The following KPNA4 variants were observed in gnomAD, a reference collection of about 807,000 sequenced individuals.
KPNA4 encodes the protein karyopherin subunit alpha 4, also known as importin subunit alpha-3.
In KPNA4, 13 loss-of-function variants were observed where a neutral mutation model predicts 71.3. That is an observed-to-expected ratio of 0.18 (90% confidence interval 0.12 to 0.29). The LOEUF (loss-of-function observed/expected upper bound fraction) is 0.29. Among genes scored for constraint, KPNA4 ranks in the 10% least tolerant of loss-of-function variants. The pLI is 1.00. For synonymous variants in KPNA4, 189 were observed against 195.2 expected, an observed-to-expected ratio of 0.97 and a Z score of 0.26; for missense variants, 334 against 603.2, an observed-to-expected ratio of 0.55 and a Z score of 4.67.
intron 1 of KPNA4, among the ~76,000 whole-genome samples, chr3:160,549,058 T>TA: frequency 6.6e-6 from 1 of 152,366 alleles, no homozygotes. Context: ...TCTTTTCATG[T>TA]GCTTACTGGC....
chr3:160,530,741 C>T (rs926301748), intron 7 of KPNA4, 114 bp downstream of exon 7: 49 of 687,186 alleles, frequency 7.1e-5, no homozygotes, highest in Non-Finnish European at 1.2e-4. Context: ...TCAATAACTA[C>T]GTAGTAGCTA....
At chr3:160,550,039 G>A (rs985791147) in intron 1 of KPNA4, among the ~76,000 whole-genome samples, 6 of 152,136 alleles carry the variant, frequency 3.9e-5, no homozygotes, top group African/African-American at 1.4e-4. Flanking sequence ...CACTGTTAGT[G>A]TATAGAAACA....
chr3:160,526,307 C>A (rs1381536796), intron 8 of KPNA4, among the ~76,000 whole-genome samples, 200 bp from the exon 9 acceptor site: 1 of 152,210 alleles, frequency 6.6e-6, no homozygotes, highest in African/African-American at 2.4e-5. Flanking sequence ...TTCTTTTGCA[C>A]ATTATTCCCA....
In KPNA4 at chr3:160,526,113, G is replaced by A; in HGVS notation, c.557-6C>T. ...TCTACACTGGGGCCCATCACCTGTAGAAAAAAAGGATTAATTTACTCAATA... is the reference window on the plus strand; with the variant it reads ...TCTACACTGGGGCCCATCACCTGTAAAAAAAAAGGATTAATTTACTCAATA... On this transcript the variant is annotated splice_polypyrimidine_tract_variant and splice_region_variant and intron_variant, in intron 8 of 16. Transcript: ENST00000334256. 3 of 1,499,698 alleles carry A rather than the reference G, an allele frequency of 2.0e-6. No individual in the cohort carries two copies. The highest frequency in any genetic ancestry group is 2.4e-5 in the Admixed American group (1 of 41,250). 92.9% of individuals were successfully genotyped at this position (1,499,698 alleles called of 1,614,324 possible). A position where few individuals can be genotyped will look rare whatever the true frequency, so the allele number is the denominator to read the frequency against.
chr3:160,551,825 G>C (rs1041334595), intron 1 of KPNA4, among the ~76,000 whole-genome samples: 3 of 151,702 alleles, frequency 2.0e-5, no homozygotes, highest in Admixed American at 6.6e-5. Context: ...AAACAGCAAT[G>C]ATGTTCTGGG....
chr3:160,511,714 T>TTATA (rs10666878), intron 13 of KPNA4, among the ~76,000 whole-genome samples: 31,946 of 146,396 alleles, frequency 0.22, 3,797 homozygotes, highest in Non-Finnish European at 0.27. Context: ...TTTGTTATTT[T>TTATA]TATATATATA....
intron 5 of KPNA4, among the ~76,000 whole-genome samples, chr3:160,533,599 T>C (rs1721615667): frequency 6.6e-6 from 1 of 152,164 alleles, no homozygotes; most frequent in Non-Finnish European, 1.5e-5. Flanking sequence ...ATTCTTTACA[T>C]AATGGTGAAT....
At chr3:160,543,573 A>T (rs1721849396) in intron 1 of KPNA4, among the ~76,000 whole-genome samples, 1 of 151,942 alleles carries the variant, frequency 6.6e-6, no homozygotes, top group South Asian at 2.1e-4. Context: ...CCTCACGTGA[A>T]TCACCCACCT....
rs1183584975 is a variant in KPNA4 at position 160,530,844 on chromosome 3, A to G, written c.469+11T>C. 6.3e-7 allele frequency: 1 copy of G among 1,583,922 alleles called. No homozygotes were observed. Among genetic ancestry groups the G allele is most frequent in the Non-Finnish European group, 8.6e-7 (1 of 1,161,292 alleles). On this transcript the variant is annotated intron_variant, in intron 7 of 16. Coordinates refer to ENST00000334256, the MANE Select transcript of KPNA4 (RefSeq NM_002268.5). ...AAAAATCACAATTATGTTTATTAAT[A>G]ACCAACTTACTGGACTGAACTACTG...
At chr3:160,526,234 A>G (rs1333867953) in intron 8 of KPNA4, 127 bp from the exon 9 acceptor site, 1 of 617,468 alleles carries the variant, frequency 1.6e-6, no homozygotes, top group Non-Finnish European at 2.5e-6. Context: ...GTTTTAGACA[A>G]TAACAAGCAG....
At chr3:160,565,174 C>G (rs759007725) in intron 1 of KPNA4, 40 bp downstream of exon 1, 100 of 1,539,220 alleles carry the variant, frequency 6.5e-5, no homozygotes, top group Middle Eastern at 5.0e-4. Context: ...CGGCCCCAGG[C>G]CCACAGCCCC....
chr3:160,513,810 G>C (rs1721149740), intron 13 of KPNA4, among the ~76,000 whole-genome samples: 1 of 152,094 alleles, frequency 6.6e-6, no homozygotes, highest in African/African-American at 2.4e-5. Flanking sequence ...GTAACGATAT[G>C]AAAGTTTAGT....
chr3:160,510,928 C>T (rs909736321), intron 13 of KPNA4, among the ~76,000 whole-genome samples: 2 of 151,364 alleles, frequency 1.3e-5, no homozygotes, highest in African/African-American at 4.9e-5. Context: ...GCTGGGACTA[C>T]AGGAATGCAC....
At chr3:160,506,439 G>GCTGA (rs1286531325) in intron 15 of KPNA4, among the ~76,000 whole-genome samples, 14 of 152,138 alleles carry the variant, frequency 9.2e-5, no homozygotes, top group Non-Finnish European at 1.5e-5. Flanking sequence ...CCAAAGTGCT[G>GCTGA]GGATTACAGG....
At chr3:160,550,176 T>C (rs1329868742) in intron 1 of KPNA4, among the ~76,000 whole-genome samples, 4 of 152,252 alleles carry the variant, frequency 2.6e-5, no homozygotes, top group South Asian at 2.1e-4. Context: ...ATCTTTGTTA[T>C]AGATTTGGAT....
chr3:160,549,336 T>C (rs1721991958), intron 1 of KPNA4, among the ~76,000 whole-genome samples: 2 of 152,236 alleles, frequency 1.3e-5, no homozygotes, highest in South Asian at 4.1e-4. Context: ...CTTTTAAGTG[T>C]CTTATCCAAG....
chr3:160,557,267 G>A (rs1391046539), intron 1 of KPNA4, among the ~76,000 whole-genome samples: 1 of 152,086 alleles, frequency 6.6e-6, no homozygotes. Context: ...ATACAACCAA[G>A]CAGAGACCAC....
In KPNA4 at chr3:160,530,939, G is replaced by T. The variant is rs1435989404; in HGVS notation, c.385C>A (p.Pro129Thr). 1 of 1,595,198 alleles carries T rather than the reference G, an allele frequency of 6.3e-7. No homozygotes were observed. Among genetic ancestry groups the T allele is most frequent in the Admixed American group, 1.8e-5 (1 of 56,704 alleles). Residue 129 changes from proline (P) to threonine (T), a missense_variant and splice_region_variant, in exon 7 of 17, where the codon CCT becomes ACT. Transcript: ENST00000334256. ...LVHCLERDDNPSLQFEAAWAL... is the reference protein window; with the variant it reads ...LVHCLERDDNTSLQFEAAWAL... ...CATGCAGCTTCAAACTGTAAAGAAG[G>T]ACTACAAAAAAAAACAAGTATTTTT...
intron 5 of KPNA4, among the ~76,000 whole-genome samples, chr3:160,533,359 A>T (rs187791061): frequency 6.6e-6 from 1 of 151,998 alleles, no homozygotes; most frequent in East Asian, 1.9e-4. Flanking sequence ...TGCCTTTCCA[A>T]TTAGCTTATA....
Sources: allele counts gnomAD v4.1 joint callset (sites outside exome capture counted in the v4.1 genomes callset), GRCh38; gene constraint gnomAD v4.1.1; transcripts MANE v1.5; gene names NCBI Gene and HGNC (gene_info 2026-07-23, HGNC 2026-07-21).